Variants in EXT1 observed in about 807,000 individuals in gnomAD.
EXT1 encodes the protein exostosin glycosyltransferase 1, also known as exostosin-1.
In EXT1, 20 loss-of-function variants were observed where a neutral mutation model predicts 82.5. The ratio of observed to expected loss-of-function variants is 0.24; its 90% CI spans 0.17 to 0.35. The LOEUF (loss-of-function observed/expected upper bound fraction) is 0.35. Among genes scored for constraint, EXT1 ranks in the 10% least tolerant of loss-of-function variants. The pLI is 1.00. For missense variants in EXT1, 757 were observed against 936.5 expected (o/e 0.81, Z 2.50); for synonymous variants, 348 against 350.8 (o/e 0.99, Z 0.09).
intron 1 of EXT1, among the ~76,000 whole-genome samples, chr8:118,011,567 G>A (rs749309724): frequency 1.2e-4 from 19 of 152,024 alleles, no homozygotes; most frequent in African/African-American, 4.3e-4. Context: ...CTCTGAGGTC[G>A]GCATGACTAA....
chr8:117,920,773 C>T (rs188395151), intron 1 of EXT1, among the ~76,000 whole-genome samples: 1 of 152,144 alleles, frequency 6.6e-6, no homozygotes, highest in Non-Finnish European at 1.5e-5. Context: ...GTGAAGATAA[C>T]TTAGCCACAA....
intron 1 of EXT1, among the ~76,000 whole-genome samples, chr8:117,996,190 G>A (rs561952300): frequency 2.0e-5 from 3 of 152,240 alleles, no homozygotes; most frequent in East Asian, 1.9e-4. Context: ...AGGAACAGCC[G>A]ACTACAGGAA....
intron 1 of EXT1, among the ~76,000 whole-genome samples, chr8:117,953,371 T>C (rs1006552650): frequency 1.3e-5 from 2 of 152,092 alleles, no homozygotes; most frequent in African/African-American, 2.4e-5. Context: ...CCCCAGATTA[T>C]AGGAGAAATG....
chr8:118,066,699 A>G (rs1816995004), intron 1 of EXT1, among the ~76,000 whole-genome samples: 1 of 152,176 alleles, frequency 6.6e-6, no homozygotes, highest in African/African-American at 2.4e-5. Flanking sequence ...TATAATATAT[A>G]GAACAAACAA....
intron 1 of EXT1, among the ~76,000 whole-genome samples, chr8:117,898,242 C>T (rs957988509): frequency 2.9e-4 from 44 of 152,198 alleles, no homozygotes; most frequent in African/African-American, 1.1e-3. Flanking sequence ...AGATCCCATA[C>T]TGGGGTCTCC....
chr8:118,014,962 C>G (rs905657981), intron 1 of EXT1, among the ~76,000 whole-genome samples: 3 of 152,204 alleles, frequency 2.0e-5, no homozygotes, highest in African/African-American at 7.2e-5. Flanking sequence ...GCTCATCTAA[C>G]ACTCTGTTTT....
intron 1 of EXT1, among the ~76,000 whole-genome samples, chr8:117,966,704 C>A (rs1321189489): frequency 6.6e-6 from 1 of 152,180 alleles, no homozygotes; most frequent in African/African-American, 2.4e-5. Context: ...ACAAATAATT[C>A]TCCATTTTGA....
chr8:117,991,215 A>G (rs540969457), intron 1 of EXT1, among the ~76,000 whole-genome samples: 3 of 152,058 alleles, frequency 2.0e-5, no homozygotes, highest in African/African-American at 7.2e-5. Context: ...GGTTCAAGCA[A>G]TTCTTGTGTC....
intron 1 of EXT1, among the ~76,000 whole-genome samples, chr8:118,060,853 G>T (rs1353208556): frequency 6.6e-6 from 1 of 152,228 alleles, no homozygotes; most frequent in South Asian, 2.1e-4. Context: ...TCTTCACCAA[G>T]AAGAGCAATT....
At chr8:118,069,549 G>A (rs972602277) in intron 1 of EXT1, among the ~76,000 whole-genome samples, 8 of 152,148 alleles carry the variant, frequency 5.3e-5, no homozygotes, top group African/African-American at 1.9e-4. Context: ...GTGGTAGGTA[G>A]CATGTTTGGA....
chr8:117,835,666 C>T lies in EXT1; in HGVS notation c.1057-115G>A, dbSNP rs1218857463. 4 of 784,116 alleles carry T rather than the reference C, an allele frequency of 5.1e-6. No individual in the cohort carries two copies. In the Admixed American group the frequency reaches 7.8e-5, roughly 15 times the overall value. The allele number at this position is 784,116 out of a possible 1,614,324, so 48.6% of individuals were successfully genotyped here. On this transcript the variant is annotated intron_variant, in intron 2 of 10. Coordinates refer to ENST00000378204, the MANE Select transcript of EXT1 (RefSeq NM_000127.3). The stretch of plus-strand genomic sequence containing the variant: ...TGGCATTTTTGACACTGCATGAATC[C>T]TGGACTGCCTAGGCCAGAAGGAAAG...
chr8:117,863,646 C>CAGTA (rs1162295131), intron 1 of EXT1, among the ~76,000 whole-genome samples: 25 of 152,080 alleles, frequency 1.6e-4, no homozygotes. Flanking sequence ...CCCCAAAGGA[C>CAGTA]AGTAAATCAG....
intron 1 of EXT1, among the ~76,000 whole-genome samples, chr8:118,039,826 A>G (rs1426510627): frequency 1.3e-5 from 2 of 152,196 alleles, no homozygotes; most frequent in Non-Finnish European, 2.9e-5. Flanking sequence ...GATTTCTTCC[A>G]GGAATAAATA....
At chr8:118,056,817 T>C (rs1410449099) in intron 1 of EXT1, among the ~76,000 whole-genome samples, 2 of 152,204 alleles carry the variant, frequency 1.3e-5, no homozygotes, top group East Asian at 3.8e-4. Context: ...GGAAGAGAAC[T>C]TTATGTATCT....
intron 1 of EXT1, among the ~76,000 whole-genome samples, chr8:117,973,860 G>A (rs570478910): frequency 1.5e-5 from 2 of 131,538 alleles, no homozygotes; most frequent in African/African-American, 3.2e-5. Flanking sequence ...GGAAAGGAAA[G>A]GAAAGGAAAG....
intron 1 of EXT1, among the ~76,000 whole-genome samples, chr8:118,091,551 A>C (rs1394996469): frequency 1.3e-5 from 2 of 152,126 alleles, no homozygotes; most frequent in South Asian, 2.1e-4. Flanking sequence ...ATCCTGGCTA[A>C]CACAGTGAAA....
intron 1 of EXT1, among the ~76,000 whole-genome samples, chr8:117,930,956 C>T (rs547641206): frequency 6.6e-6 from 1 of 152,322 alleles, no homozygotes; most frequent in African/African-American, 2.4e-5. Flanking sequence ...CTAAAAGACA[C>T]TTCCACCAAT....
intron 1 of EXT1, among the ~76,000 whole-genome samples, chr8:118,088,086 C>G (rs983989838): frequency 1.2e-4 from 18 of 152,108 alleles, no homozygotes; most frequent in Non-Finnish European, 2.5e-4. Flanking sequence ...ACTGCTGAAT[C>G]CCCCTTCTTC....
At chr8:118,048,195 G>T (rs1268793803) in intron 1 of EXT1, among the ~76,000 whole-genome samples, 1 of 152,100 alleles carries the variant, frequency 6.6e-6, no homozygotes, top group Non-Finnish European at 1.5e-5. Flanking sequence ...GCAACAGAGG[G>T]CAAGAAGAGA....
Sources: allele counts gnomAD v4.1 joint callset (sites outside exome capture counted in the v4.1 genomes callset), GRCh38; gene constraint gnomAD v4.1.1; transcripts MANE v1.5; gene names NCBI Gene and HGNC (gene_info 2026-07-23, HGNC 2026-07-21).